The following SPAG16 variants were observed in gnomAD, a reference collection of about 807,000 sequenced individuals.
SPAG16 encodes the protein sperm-associated antigen 16 protein.
In SPAG16, 86 loss-of-function variants were observed where a neutral mutation model predicts 80.4. That is an observed-to-expected ratio of 1.07 (90% confidence interval 0.90 to 1.28). The LOEUF is 1.28. Ranked by LOEUF, SPAG16 falls within the 50% of genes most tolerant of loss-of-function variation. The pLI is 0.00. For synonymous variants in SPAG16, 294 were observed against 265.9 expected (o/e 1.11, Z -1.03); for missense variants, 870 against 765.3 (o/e 1.14, Z -1.61).
chr2:213,825,319 G>A (rs2073206082), intron 10 of SPAG16, among the ~76,000 whole-genome samples: 1 of 152,078 alleles, frequency 6.6e-6, no homozygotes, highest in South Asian at 2.1e-4. Context: ...TTGAGAAAAA[G>A]CTTTCAGTTG....
intron 15 of SPAG16, among the ~76,000 whole-genome samples, chr2:214,283,454 T>A (rs1336466167): frequency 6.6e-6 from 1 of 152,164 alleles, no homozygotes; most frequent in Non-Finnish European, 1.5e-5. Context: ...CTAAATACAT[T>A]ACATATCTTA....
At chr2:213,574,947 T>C (rs1001907252) in intron 10 of SPAG16, among the ~76,000 whole-genome samples, 4 of 152,068 alleles carry the variant, frequency 2.6e-5, no homozygotes, top group South Asian at 2.1e-4. Context: ...CCGAGGACAA[T>C]GTATGGTCAA....
chr2:213,763,004 T>A (rs1480477890), intron 10 of SPAG16, among the ~76,000 whole-genome samples: 1 of 152,080 alleles, frequency 6.6e-6, no homozygotes, highest in Non-Finnish European at 1.5e-5. Flanking sequence ...TCCAAAGACA[T>A]AAAAATGTTC....
At chr2:213,787,457 C>G (rs969127358) in intron 10 of SPAG16, among the ~76,000 whole-genome samples, 2 of 151,928 alleles carry the variant, frequency 1.3e-5, no homozygotes, top group Non-Finnish European at 2.9e-5. Flanking sequence ...GTGTGAGAAA[C>G]TGAATGAAAT....
intron 9 of SPAG16, among the ~76,000 whole-genome samples, chr2:213,395,806 C>T (rs2068000224): frequency 6.6e-6 from 1 of 152,172 alleles, no homozygotes; most frequent in African/African-American, 2.4e-5. Context: ...ACCACTTTGG[C>T]TGGATAGAAC....
At chr2:214,039,261 T>G (rs1016021050) in intron 13 of SPAG16, among the ~76,000 whole-genome samples, 1 of 152,218 alleles carries the variant, frequency 6.6e-6, no homozygotes, top group Non-Finnish European at 1.5e-5. Context: ...GGTATCTCAC[T>G]GTGGTTTTGA....
chr2:214,130,352 C>G (rs1199411909), intron 14 of SPAG16, among the ~76,000 whole-genome samples: 1 of 152,132 alleles, frequency 6.6e-6, no homozygotes, highest in Non-Finnish European at 1.5e-5. Context: ...AACACAGCTC[C>G]CTCACTTGGC....
intron 13 of SPAG16, among the ~76,000 whole-genome samples, chr2:214,087,442 T>C (rs528293253): frequency 5.9e-5 from 9 of 152,298 alleles, no homozygotes; most frequent in African/African-American, 2.2e-4. Context: ...AGCAAATATT[T>C]ATTAAGTATT....
At chr2:213,718,885 C>T (rs886358558) in intron 10 of SPAG16, among the ~76,000 whole-genome samples, 12 of 152,160 alleles carry the variant, frequency 7.9e-5, no homozygotes, top group African/African-American at 2.2e-4. Flanking sequence ...GAGCACACGG[C>T]GCAGGACTGG....
chr2:213,548,253 G>A (rs929326213), intron 10 of SPAG16, among the ~76,000 whole-genome samples: 12 of 151,752 alleles, frequency 7.9e-5, no homozygotes, highest in African/African-American at 2.9e-4. Flanking sequence ...TCGCTCTGTC[G>A]CCAGGTTGGA....
intron 10 of SPAG16, among the ~76,000 whole-genome samples, chr2:213,859,178 C>CAAAAAAAA (rs1165853142): frequency 0.014 from 134 of 9,374 alleles, 56 homozygotes; most frequent in East Asian, 0.035. Context: ...CACTCCGTCT[C>CAAAAAAAA]AAAAAAAAAA....
At chr2:213,661,027 G>C (rs928330966) in intron 10 of SPAG16, among the ~76,000 whole-genome samples, 21 of 152,158 alleles carry the variant, frequency 1.4e-4, no homozygotes, top group African/African-American at 5.1e-4. Context: ...GACTCTGCCA[G>C]ATTTCGTAGC....
chr2:214,270,231 A>C (rs917145139), intron 15 of SPAG16, among the ~76,000 whole-genome samples: 2 of 152,212 alleles, frequency 1.3e-5, no homozygotes, highest in Non-Finnish European at 2.9e-5. Flanking sequence ...ACATTATTGA[A>C]CATTGGCTGC....
chr2:214,246,183 A>G (rs1371237013), intron 15 of SPAG16, among the ~76,000 whole-genome samples: 1 of 152,162 alleles, frequency 6.6e-6, no homozygotes, highest in Non-Finnish European at 1.5e-5. Context: ...CTCTGCCTCT[A>G]ACAGAGGGAC....
intron 15 of SPAG16, among the ~76,000 whole-genome samples, chr2:214,359,866 C>T (rs1357763656): frequency 1.3e-5 from 2 of 151,844 alleles, no homozygotes; most frequent in Non-Finnish European, 1.5e-5. Context: ...CTGCAGGAAA[C>T]TTGTCTGGCC....
At chr2:214,379,870 G>C (rs1291689302) in intron 15 of SPAG16, among the ~76,000 whole-genome samples, 1 of 152,138 alleles carries the variant, frequency 6.6e-6, no homozygotes, top group African/African-American at 2.4e-5. Flanking sequence ...TTATCTTTCT[G>C]TTTCTGGGAA....
chr2:213,848,508 A>G (rs2074740204), intron 10 of SPAG16, among the ~76,000 whole-genome samples: 2 of 152,038 alleles, frequency 1.3e-5, no homozygotes, highest in Non-Finnish European at 2.9e-5. Flanking sequence ...ATGTTCATTA[A>G]TTTTCACCTT....
At chr2:213,901,512 C>T (rs1180402608) in intron 11 of SPAG16, among the ~76,000 whole-genome samples, 2 of 151,986 alleles carry the variant, frequency 1.3e-5, no homozygotes, top group Non-Finnish European at 2.9e-5. Context: ...GGAATAATAC[C>T]ACTGGTAATT....
intron 12 of SPAG16, among the ~76,000 whole-genome samples, chr2:213,956,904 G>GT (rs1208439288): frequency 6.6e-5 from 10 of 151,952 alleles, no homozygotes; most frequent in African/African-American, 1.9e-4. Flanking sequence ...TCCATTGATT[G>GT]TTAATTATGT....
Sources: allele counts gnomAD v4.1 joint callset (sites outside exome capture counted in the v4.1 genomes callset), GRCh38; gene constraint gnomAD v4.1.1; transcripts MANE v1.5; gene names NCBI Gene and HGNC (gene_info 2026-07-23, HGNC 2026-07-21).